SLC26A5: variants seen among roughly 807,000 people sequenced by gnomAD.
The protein encoded by SLC26A5 is solute carrier family 26 member 5, also known as prestin.
A neutral mutation model predicts 81.0 loss-of-function variants in SLC26A5; 51 were observed. That is an observed-to-expected ratio of 0.63 (90% CI 0.50 to 0.80). SLC26A5 has a LOEUF of 0.80. SLC26A5 is among the 30% of genes least tolerant of loss of function. The pLI is 0.00. For missense variants in SLC26A5, 771 were observed against 905.8 expected, an observed-to-expected ratio of 0.85 and a Z score of 1.91; for synonymous variants, 325 against 332.8, an observed-to-expected ratio of 0.98 and a Z score of 0.25.
chr7:103,378,471 A>G lies in SLC26A5; in HGVS notation c.1760T>C (p.Met587Thr). The G allele has an allele frequency of 6.2e-7, 1 of 1,614,158 alleles. No homozygotes were observed. Among genetic ancestry groups the G allele is most frequent in the Non-Finnish European group, 8.5e-7 (1 of 1,179,988 alleles). ...TGCTTTGACAACAGTTGCGTTGGCCATATTTGCATTTCCGACTTCCTTAGC... is the reference window on the plus strand; with the variant it reads ...TGCTTTGACAACAGTTGCGTTGGCCGTATTTGCATTTCCGACTTCCTTAGC... ...KYAKEVGNAN[M>T]ANATVVKADA... The change falls in exon 17 of 20, where the codon ATG becomes ACG. Residue 587 changes from methionine to threonine, a missense_variant. Coordinates refer to ENST00000306312, the MANE Select transcript of SLC26A5 (RefSeq NM_198999.3).
intron 15 of SLC26A5, among the ~76,000 whole-genome samples, chr7:103,380,105 G>A (rs1232505342): frequency 6.6e-6 from 1 of 152,120 alleles, no homozygotes; most frequent in African/African-American, 2.4e-5. Context: ...TTCAAATGAA[G>A]TGGGAGAATT....
intron 9 of SLC26A5, among the ~76,000 whole-genome samples, chr7:103,394,611 C>T (rs924829682): frequency 2.0e-5 from 3 of 152,028 alleles, no homozygotes; most frequent in Non-Finnish European, 4.4e-5. Flanking sequence ...AAATGCACTG[C>T]TCATTTACCA....
In SLC26A5 at chr7:103,361,454, G is replaced by A. The variant is rs1320605138; in HGVS notation, c.2042-8528C>T. ...GAACCCAAGAGGTGGAGGTTGCAGT[G>A]AGCCAAGATCACACCATTGTGTTTC... On this transcript the variant is annotated intron_variant, in intron 19 of 19. Coordinates refer to the SLC26A5 transcript ENST00000339444. Among the ~76,000 whole-genome samples the A allele has an allele frequency of 4.3e-5, 6 of 138,074 alleles. No homozygotes were observed. The East Asian group carries it at 1.1e-3, about 26-fold the overall frequency. The allele number at this position is 138,074 out of a possible 152,430, so 90.6% of individuals were successfully genotyped here.
intron 2 of SLC26A5, among the ~76,000 whole-genome samples, chr7:103,439,520 CTGT>C (rs1562815177): frequency 2.6e-5 from 4 of 151,092 alleles, no homozygotes; most frequent in Admixed American, 1.3e-4. Flanking sequence ...TCCTTGCTGT[CTGT>C]TGTTGTTGTT....
chr7:103,408,023 G>A lies in SLC26A5; in HGVS notation c.736-20C>T, dbSNP rs776117516. 3 of 1,613,710 alleles carry A rather than the reference G, an allele frequency of 1.9e-6. No individual in the cohort carries two copies. Among genetic ancestry groups the A allele is most frequent in the South Asian group, 1.1e-5 (1 of 91,070 alleles). ...TGTACTCTGTAACACAGTGAATGCT[G>A]GATGTTTACATCAAGAAATCGCCCC... On this transcript the variant is annotated intron_variant, in intron 7 of 19. Transcript: ENST00000306312.
At chr7:103,392,617 G>A (rs368674173) in intron 10 of SLC26A5, among the ~76,000 whole-genome samples, 7 of 152,070 alleles carry the variant, frequency 4.6e-5, no homozygotes, top group African/African-American at 9.7e-5. Flanking sequence ...TCGCTCTGTC[G>A]CCCAGGCTGG....
rs527469952 is a variant in SLC26A5, at chr7:103,401,906, T to C, written c.889-3892A>G. ...CAGCCTTGCATCCCAGGGATGAAGC[T>C]GACTTGATCATGGTGGACAAGCTTT... On this transcript the variant is annotated intron_variant, in intron 8 of 19. Coordinates refer to ENST00000306312, the MANE Select transcript of SLC26A5 (RefSeq NM_198999.3). 5.3e-5 allele frequency among the ~76,000 whole-genome samples: 8 copies of C among 152,332 alleles called. No individual in the cohort carries two copies. In the East Asian group the frequency reaches 1.5e-3, roughly 29 times the overall value.
chr7:103,352,945 G>A (rs1240792837), intron 19 of SLC26A5: 1 of 780,790 alleles, frequency 1.3e-6, no homozygotes, highest in Admixed American at 1.7e-5. Context: ...AGAGGGTAGA[G>A]TGACTTGTTC....
At position 103,378,576 on chromosome 7, in the gene SLC26A5, C is replaced by T. The variant is rs776936390; in HGVS notation, c.1678-23G>A. On this transcript the variant is annotated intron_variant, in intron 16 of 19. Transcript: ENST00000306312. ...AGTCTTTACAGAAGAGCACCATATG[C>T]AAAATCACTTCATGGCTCTCAGGGA... 1.9e-6 allele frequency: 3 copies of T among 1,605,188 alleles called. No homozygotes were observed. In the African/African-American group the frequency reaches 4.0e-5, roughly 21 times the overall value.
intron 2 of SLC26A5, among the ~76,000 whole-genome samples, chr7:103,426,348 C>T (rs969115588): frequency 6.6e-6 from 1 of 152,172 alleles, no homozygotes; most frequent in Non-Finnish European, 1.5e-5. Flanking sequence ...TATGCACTAT[C>T]TGTAGGGTTG....
rs4285410 is a variant in SLC26A5 at position 103,390,134 on chromosome 7, C to T, written c.1311+295G>A. 1 allele frequency among the ~76,000 whole-genome samples: 152,096 copies of T among 152,238 alleles called. 75,977 individuals carry two copies. Among genetic ancestry groups the T allele is most frequent in the Non-Finnish European group, 1 (68,038 of 68,038 alleles). On this transcript the variant is annotated intron_variant, in intron 12 of 19. Transcript: ENST00000306312. Reference sequence around the variant, plus strand: ...CCATCTCAGGTTTTTTATGAAAGTACAAGGTCATAGAAGGTCAAAGAGAGA... The same window carrying T: ...CCATCTCAGGTTTTTTATGAAAGTATAAGGTCATAGAAGGTCAAAGAGAGA...
chr7:103,389,240 T>C lies in SLC26A5; in HGVS notation c.1407+89A>G, dbSNP rs72655381. On this transcript the variant is annotated intron_variant, in intron 13 of 19. Coordinates refer to ENST00000306312, the MANE Select transcript of SLC26A5 (RefSeq NM_198999.3). ...CTAACTGGATACTGCACATAACAAC[T>C]GCATTAATTTATCTTTCTCACATTT... 3.0e-4 allele frequency: 362 copies of C among 1,218,438 alleles called. 5 individuals carry two copies. The South Asian group carries it at 3.5e-3, about 12-fold the overall frequency. 75.5% of individuals were successfully genotyped at this position (1,218,438 alleles called of 1,614,324 possible). A position where few individuals can be genotyped will look rare whatever the true frequency, so the allele number is the denominator to read the frequency against.
At chr7:103,429,965 C>T (rs976192377) in intron 2 of SLC26A5, among the ~76,000 whole-genome samples, 7 of 152,116 alleles carry the variant, frequency 4.6e-5, no homozygotes, top group South Asian at 2.1e-4. Flanking sequence ...AATACTTATC[C>T]ACTCCCCTTA....
intron 4 of SLC26A5, among the ~76,000 whole-genome samples, chr7:103,419,664 A>G (rs1436668100): frequency 6.6e-6 from 1 of 151,812 alleles, no homozygotes; most frequent in East Asian, 1.9e-4. Flanking sequence ...CAGCCTCCTG[A>G]GTATCTGAGA....
intron 11 of SLC26A5, among the ~76,000 whole-genome samples, chr7:103,391,306 T>C (rs1285246861): frequency 1.3e-5 from 2 of 152,272 alleles, no homozygotes; most frequent in African/African-American, 4.8e-5. Flanking sequence ...AAAGTTCTAC[T>C]GGATGGTGAT....
At chr7:103,379,479 AG>A in intron 15 of SLC26A5, 144 bp from the exon 16 acceptor site, 7 of 505,850 alleles carry the variant, frequency 1.4e-5, no homozygotes, top group South Asian at 8.6e-5. Flanking sequence ...TGTCACACAC[AG>A]ACCAAAAAAA....
chr7:103,381,359 C>A (rs1821769874), intron 14 of SLC26A5, among the ~76,000 whole-genome samples: 1 of 151,168 alleles, frequency 6.6e-6, no homozygotes, highest in East Asian at 2.0e-4. Flanking sequence ...ACACACATCA[C>A]CCCACATATC....
rs1398931067 is a variant in SLC26A5 at position 103,397,931 on chromosome 7, C to T, written c.971+1G>A. ...ACAGTTACTTAAAACCACTTTCCTACCCTAGAGGAAGTGTTCCAACGACAT... is the reference window on the plus strand; with the variant it reads ...ACAGTTACTTAAAACCACTTTCCTATCCTAGAGGAAGTGTTCCAACGACAT... On this transcript the variant is annotated splice_donor_variant, in intron 9 of 19. Coordinates refer to ENST00000306312, the MANE Select transcript of SLC26A5 (RefSeq NM_198999.3). LOFTEE classifies it high-confidence loss of function. 6.2e-7 allele frequency: 1 copy of T among 1,612,320 alleles called. No individual in the cohort carries two copies.
intron 9 of SLC26A5, 55 bp downstream of exon 9, chr7:103,397,877 G>T: frequency 8.0e-7 from 1 of 1,252,488 alleles, no homozygotes; most frequent in Non-Finnish European, 1.2e-6. Context: ...AGAGTTAGAG[G>T]CAATAGATCC....
Sources: gnomAD v4.1 joint callset for allele counts (sites outside exome capture counted in the v4.1 genomes callset) on GRCh38, gnomAD v4.1.1 for gene constraint, MANE v1.5 for transcripts, NCBI Gene and HGNC (gene_info 2026-07-23, HGNC 2026-07-21) for gene names.